DISC1: variants seen among roughly 807,000 people sequenced by gnomAD.
DISC1 encodes the protein DISC1 scaffold protein, also known as disrupted in schizophrenia 1 protein.
A neutral mutation model predicts 84.5 loss-of-function variants in DISC1; 57 were observed. The ratio of observed to expected loss-of-function variants is 0.67; its 90% CI spans 0.55 to 0.84. The LOEUF is 0.84. Among genes scored for constraint, DISC1 ranks in the 40% least tolerant of loss-of-function variants. DISC1 has a pLI of 0.00. For missense variants in DISC1, 1,000 were observed against 1,057.8 expected (o/e 0.95, Z 0.76); for synonymous variants, 411 against 415.2 (o/e 0.99, Z 0.12).
At chr1:231,798,812 C>T (rs2078971120) in intron 7 of DISC1, among the ~76,000 whole-genome samples, 1 of 152,070 alleles carries the variant, frequency 6.6e-6, no homozygotes, top group South Asian at 2.1e-4. Flanking sequence ...AAAATTACAG[C>T]CACTGAATAG....
intron 9 of DISC1, among the ~76,000 whole-genome samples, chr1:231,824,567 G>C (rs2081722983): frequency 6.6e-6 from 1 of 152,002 alleles, no homozygotes; most frequent in Admixed American, 6.5e-5. Context: ...TTTCCCTTCA[G>C]CCATTTTTGC....
At chr1:231,774,733 C>G in intron 6 of DISC1, 1 of 455,988 alleles carries the variant, frequency 2.2e-6, no homozygotes, top group Non-Finnish European at 4.4e-6. Flanking sequence ...GAAGATATGT[C>G]TTTTCCAAGC....
intron 8 of DISC1, among the ~76,000 whole-genome samples, chr1:231,802,820 T>G (rs1215004008): frequency 6.6e-6 from 1 of 152,122 alleles, no homozygotes; most frequent in Non-Finnish European, 1.5e-5. Context: ...ACTGAGTGAC[T>G]TTTTTGCCAC....
intron 1 of DISC1, among the ~76,000 whole-genome samples, 156 bp from the exon 2 acceptor site, chr1:231,693,670 C>T (rs2065307266): frequency 6.6e-6 from 1 of 152,214 alleles, no homozygotes; most frequent in African/African-American, 2.4e-5. Flanking sequence ...TCAGGATTTA[C>T]ATAATGGATT....
chr1:231,711,659 C>T (rs1293721336), intron 3 of DISC1, among the ~76,000 whole-genome samples: 1 of 152,028 alleles, frequency 6.6e-6, no homozygotes, highest in African/African-American at 2.4e-5. Flanking sequence ...TGAGCCACCA[C>T]ACCCGGCCAT....
intron 9 of DISC1, among the ~76,000 whole-genome samples, chr1:231,910,088 T>A (rs1250292472): frequency 1.3e-5 from 2 of 152,256 alleles, no homozygotes; most frequent in Non-Finnish European, 2.9e-5. Flanking sequence ...TTAGTCTTGC[T>A]AGCGGTCTAT....
chr1:231,626,893 C>T lies in DISC1; in HGVS notation c.26C>T (p.Ala9Val), dbSNP rs2058291464. ...ATGCCAGGCGGGGGTCCTCAGGGCG[C>T]CCCAGCCGCCGCCGGCGGCGGCGGC... MPGGGPQG[A>V]PAAAGGGGVS... Residue 9 changes from alanine (A) to valine (V), a missense_variant, in exon 1 of 13, where the codon GCC (alanine) becomes GTC (valine). Ala to Val is a moderately conservative substitution (Grantham distance 64, BLOSUM62 0). Coordinates refer to ENST00000439617, the MANE Select transcript of DISC1 (RefSeq NM_018662.3). 6.7e-7 allele frequency: 1 copy of T among 1,500,120 alleles called. No individual in the cohort carries two copies. Among genetic ancestry groups the T allele is most frequent in the Non-Finnish European group, 8.8e-7 (1 of 1,133,240 alleles). The allele number at this position is 1,500,120 out of a possible 1,614,324, so 92.9% of individuals were successfully genotyped here. A position where few individuals can be genotyped will look rare whatever the true frequency, so the allele number is the denominator to read the frequency against.
intron 9 of DISC1, among the ~76,000 whole-genome samples, chr1:231,887,999 A>G (rs969677850): frequency 3.3e-5 from 5 of 152,262 alleles, no homozygotes; most frequent in African/African-American, 9.6e-5. Context: ...CAGCGAGCAA[A>G]GCAAGTTCCA....
At chr1:231,690,870 G>A (rs1227650147) in intron 1 of DISC1, among the ~76,000 whole-genome samples, 1 of 152,172 alleles carries the variant, frequency 6.6e-6, no homozygotes, top group African/African-American at 2.4e-5. Flanking sequence ...GCCACCTTCT[G>A]GGAAGGCCAG....
At chr1:231,906,937 ATCTT>A (rs2088707073) in intron 9 of DISC1, among the ~76,000 whole-genome samples, 1 of 147,474 alleles carries the variant, frequency 6.8e-6, no homozygotes, top group Admixed American at 6.8e-5. Flanking sequence ...AGCCTAAAGA[ATCTT>A]TCTTTTTCTT....
At chr1:231,760,931 C>T (rs1328321598) in intron 4 of DISC1, among the ~76,000 whole-genome samples, 4 of 152,190 alleles carry the variant, frequency 2.6e-5, no homozygotes, top group African/African-American at 4.8e-5. Flanking sequence ...GACACCTAGA[C>T]GATTTCTTCA....
chr1:231,785,233 G>C (rs2077740650), intron 6 of DISC1, among the ~76,000 whole-genome samples: 1 of 143,900 alleles, frequency 6.9e-6, no homozygotes, highest in Non-Finnish European at 1.5e-5. Context: ...GTGTGTGTGT[G>C]TGTGTGTGTG....
chr1:231,968,324 C>A (rs932966057), intron 10 of DISC1, among the ~76,000 whole-genome samples: 1 of 151,936 alleles, frequency 6.6e-6, no homozygotes, highest in African/African-American at 2.4e-5. Context: ...GAAAAGAAGC[C>A]GCCAACCCCG....
chr1:231,954,630 C>G lies in DISC1; in HGVS notation c.1982-4198C>G, dbSNP rs541125868. Among the ~76,000 whole-genome samples the G allele has an allele frequency of 1.3e-5, 2 of 152,156 alleles. No individual in the cohort carries two copies. The highest frequency in any genetic ancestry group is 4.8e-5 in the African/African-American group (2 of 41,434). On this transcript the variant is annotated intron_variant, in intron 9 of 12. Transcript: ENST00000439617. The surrounding 1 kb of genome is among the most constrained non-coding windows in gnomAD (Gnocchi z 4.8). ...GCCCTCTTTGCTTCTTGGAACCTTG[C>G]CTTACTACCATTGCCATTCTCATAG...
chr1:231,946,117 C>T (rs1006167290), intron 9 of DISC1, among the ~76,000 whole-genome samples: 1 of 152,116 alleles, frequency 6.6e-6, no homozygotes, highest in Non-Finnish European at 1.5e-5. Context: ...TTTATGAGGC[C>T]AGCATCATCC....
At chr1:231,995,910 C>T (rs1558819032) in intron 10 of DISC1, among the ~76,000 whole-genome samples, 1 of 151,626 alleles carries the variant, frequency 6.6e-6, no homozygotes. Context: ...CCTGAGGAAT[C>T]GCCACACTGA....
intron 1 of DISC1, among the ~76,000 whole-genome samples, chr1:231,679,153 T>TGCCTTTGAC (rs1195556634): frequency 6.6e-6 from 1 of 152,262 alleles, no homozygotes; most frequent in African/African-American, 2.4e-5. Context: ...CCATCTTTGA[T>TGCCTTTGAC]GCCTTTGACT....
intron 9 of DISC1, among the ~76,000 whole-genome samples, chr1:231,931,564 A>G (rs2090656639): frequency 6.6e-6 from 1 of 152,152 alleles, no homozygotes. Context: ...TGAGCACAGA[A>G]TATGTGTGCT....
At chr1:231,758,912 T>C (rs760642303) in intron 4 of DISC1, among the ~76,000 whole-genome samples, 2 of 152,194 alleles carry the variant, frequency 1.3e-5, no homozygotes, top group Non-Finnish European at 2.9e-5. Flanking sequence ...TGTGTGTGCA[T>C]GTATGTGTTT....
Sources: allele counts gnomAD v4.1 joint callset (sites outside exome capture counted in the v4.1 genomes callset), GRCh38; gene constraint gnomAD v4.1.1; non-coding constraint Gnocchi (gnomAD v3.1); transcripts MANE v1.5; gene names NCBI Gene and HGNC (gene_info 2026-07-23, HGNC 2026-07-21).